CDH4: variants seen among roughly 807,000 people sequenced by gnomAD.
CDH4 encodes the protein cadherin 4.
In CDH4, 33 loss-of-function variants were observed where a neutral mutation model predicts 86.0. That is an observed-to-expected ratio of 0.38 (90% confidence interval 0.29 to 0.51). The LOEUF (loss-of-function observed/expected upper bound fraction) is 0.51, where lower values mean the gene tolerates loss of function less well. Among genes scored for constraint, CDH4 ranks in the 20% least tolerant of loss-of-function variants. The pLI is 0.86. For synonymous variants in CDH4, 555 were observed against 549.4 expected (o/e 1.01, Z -0.14); for missense variants, 1,114 against 1,307.4 (o/e 0.85, Z 2.28).
intron 2 of CDH4, chr20:61,719,138 T>G (rs2145909799): frequency 2.1e-6 from 1 of 470,770 alleles, no homozygotes; most frequent in African/African-American, 2.0e-5. Flanking sequence ...CCAAATGGCT[T>G]TGCATCTGAA....
chr20:61,886,292 T>C (rs1237240710), intron 7 of CDH4, among the ~76,000 whole-genome samples: 1 of 152,204 alleles, frequency 6.6e-6, no homozygotes, highest in Non-Finnish European at 1.5e-5. Context: ...CAGGGCACGC[T>C]CGACTCAGGA....
intron 2 of CDH4, among the ~76,000 whole-genome samples, chr20:61,624,915 A>G (rs2086816041): frequency 6.6e-6 from 1 of 152,220 alleles, no homozygotes; most frequent in Admixed American, 6.5e-5. Flanking sequence ...AACCTGCAGC[A>G]TAGGAGGCCA....
intron 2 of CDH4, among the ~76,000 whole-genome samples, chr20:61,712,490 C>T (rs1006911690): frequency 6.6e-6 from 1 of 152,116 alleles, no homozygotes; most frequent in Non-Finnish European, 1.5e-5. Flanking sequence ...GGAAGCAGGG[C>T]GGAAGGTGCA....
chr20:61,447,243 G>A (rs1461432725), intron 2 of CDH4, among the ~76,000 whole-genome samples: 1 of 151,720 alleles, frequency 6.6e-6, no homozygotes, highest in Non-Finnish European at 1.5e-5. Context: ...TGCAACCTCC[G>A]CCTCCTGGGT....
intron 2 of CDH4, among the ~76,000 whole-genome samples, chr20:61,394,572 C>T (rs572797395): frequency 1.2e-4 from 18 of 151,760 alleles, no homozygotes; most frequent in East Asian, 5.9e-4. Flanking sequence ...TAGGCTGGGC[C>T]GAAGAGAGCA....
intron 3 of CDH4, among the ~76,000 whole-genome samples, chr20:61,748,417 A>G (rs1002363779): frequency 6.6e-6 from 1 of 152,236 alleles, no homozygotes; most frequent in Non-Finnish European, 1.5e-5. Flanking sequence ...GTGCTAAAAG[A>G]AAATAGAATT....
chr20:61,824,726 G>A (rs1460246095), intron 4 of CDH4, among the ~76,000 whole-genome samples: 1 of 152,188 alleles, frequency 6.6e-6, no homozygotes, highest in African/African-American at 2.4e-5. Flanking sequence ...GAAGAGGGGG[G>A]AAATCCTTTC....
chr20:61,599,682 C>T, intron 2 of CDH4: 1 of 330,666 alleles, frequency 3.0e-6, no homozygotes, highest in Non-Finnish European at 4.3e-6. Context: ...GGAGAAGCCT[C>T]TCGCGTGGTC....
intron 2 of CDH4, among the ~76,000 whole-genome samples, chr20:61,699,030 C>T (rs1326998419): frequency 3.9e-5 from 6 of 152,246 alleles, no homozygotes; most frequent in African/African-American, 1.4e-4. Context: ...CTGGCAGGTC[C>T]CCACAGTGGC....
rs3048343 is a variant in CDH4 at position 61,252,442 on chromosome 20, T to TCGGCGG, written c.-52_-47dup. The TCGGCGG allele has an allele frequency of 5.7e-4, 367 of 646,538 alleles. No individual in the cohort carries two copies. In the African/African-American group the frequency reaches 6.5e-3, roughly 11 times the overall value. 40.1% of individuals were successfully genotyped at this position (646,538 alleles called of 1,614,324 possible). ...GGCGATCGGAGCGGCGGCGGTGGTC[T>TCGGCGG]CGGCGGCGGCGGCGGCGGCGGCGGC... On this transcript the variant is annotated 5_prime_UTR_variant, in exon 1 of 16. Transcript: ENST00000614565. The surrounding 1 kb of genome is among the most constrained non-coding windows in gnomAD (Gnocchi z 4.4).
intron 9 of CDH4, among the ~76,000 whole-genome samples, chr20:61,915,385 C>A (rs762637496): frequency 1.5e-4 from 23 of 152,194 alleles, no homozygotes; most frequent in Admixed American, 3.9e-4. Context: ...GTCTGACCAG[C>A]CTGAAACCTT....
chr20:61,416,137 G>A (rs1480110435), intron 2 of CDH4, among the ~76,000 whole-genome samples: 2 of 151,822 alleles, frequency 1.3e-5, no homozygotes, highest in African/African-American at 2.4e-5. Context: ...TAGTAGCTAG[G>A]ATTACAGATG....
chr20:61,575,077 T>C (rs2086372666), intron 2 of CDH4, among the ~76,000 whole-genome samples: 1 of 152,232 alleles, frequency 6.6e-6, no homozygotes, highest in African/African-American at 2.4e-5. Context: ...CTCTTTCATC[T>C]GCAGGTGACA....
chr20:61,383,519 ATG>A (rs376360753), intron 2 of CDH4, among the ~76,000 whole-genome samples: 3 of 90,606 alleles, frequency 3.3e-5, no homozygotes, highest in African/African-American at 1.6e-4. Flanking sequence ...ATATATGAAT[ATG>A]TATGAATATA....
chr20:61,401,257 C>T (rs1294868784), intron 2 of CDH4, among the ~76,000 whole-genome samples: 1 of 152,192 alleles, frequency 6.6e-6, no homozygotes, highest in Non-Finnish European at 1.5e-5. Context: ...TGTAAACCTG[C>T]TCCACCAATA....
chr20:61,559,040 C>T lies in CDH4; in HGVS notation c.170-184523C>T, dbSNP rs143630967. On this transcript the variant is annotated intron_variant, in intron 2 of 15. Coordinates refer to ENST00000614565, the MANE Select transcript of CDH4 (RefSeq NM_001794.5). Reference sequence around the variant, plus strand: ...CAGGGAAACAAAAGCACTGCTGGGCCGGGCGCAGTGGCTCACACCTGTAAT... The same window carrying T: ...CAGGGAAACAAAAGCACTGCTGGGCTGGGCGCAGTGGCTCACACCTGTAAT... Among the ~76,000 whole-genome samples the T allele has an allele frequency of 3.6e-3, 544 of 152,320 alleles. 3 individuals carry two copies. Among genetic ancestry groups the T allele is most frequent in the African/African-American group, 0.012 (519 of 41,576 alleles).
At chr20:61,312,138 TG>T (rs2084449437) in intron 2 of CDH4, among the ~76,000 whole-genome samples, 1 of 146,880 alleles carries the variant, frequency 6.8e-6, no homozygotes, top group South Asian at 2.2e-4. Flanking sequence ...GGTGTGTGTG[TG>T]GTGTGTGCAT....
chr20:61,311,367 A>C (rs900200455), intron 2 of CDH4, among the ~76,000 whole-genome samples: 2 of 152,256 alleles, frequency 1.3e-5, no homozygotes, highest in Admixed American at 6.5e-5. Context: ...TCACATTAAA[A>C]GGCAAACATA....
intron 2 of CDH4, among the ~76,000 whole-genome samples, chr20:61,375,623 G>T (rs1046441646): frequency 7.5e-6 from 1 of 132,482 alleles, no homozygotes; most frequent in Non-Finnish European, 1.6e-5. Flanking sequence ...GTGATGGTAT[G>T]GTTTGTTGAT....
Sources: gnomAD v4.1 joint callset for allele counts (sites outside exome capture counted in the v4.1 genomes callset) on GRCh38, gnomAD v4.1.1 for gene constraint, Gnocchi (gnomAD v3.1) non-coding constraint, MANE v1.5 for transcripts, NCBI Gene and HGNC (gene_info 2026-07-23, HGNC 2026-07-21) for gene names.